Variants in DCC observed in about 807,000 individuals in gnomAD.
DCC encodes netrin receptor DCC.
Under a neutral mutation model 172.5 loss-of-function variants are expected in DCC, and 58 were observed. The ratio of observed to expected loss-of-function variants is 0.34; its 90% CI spans 0.27 to 0.42. DCC has a LOEUF of 0.42. DCC is among the 10% of genes least tolerant of loss of function. The pLI is 1.00. For missense variants in DCC, 1,740 were observed against 1,791.0 expected (o/e 0.97, Z 0.51); for synonymous variants, 709 against 644.5 (o/e 1.10, Z -1.52).
intron 27 of DCC, among the ~76,000 whole-genome samples, chr18:53,515,623 A>G (rs1231672200): frequency 2.1e-5 from 3 of 144,824 alleles, no homozygotes; most frequent in African/African-American, 5.1e-5. Flanking sequence ...AAATCAATGT[A>G]CAAAAATCAC....
intron 2 of DCC, among the ~76,000 whole-genome samples, chr18:52,886,731 T>C (rs116488163): frequency 0.015 from 2,300 of 152,282 alleles, 43 homozygotes; most frequent in African/African-American, 0.039. Context: ...TTTAGCGATA[T>C]GAAGTTAAAA....
chr18:53,174,309 A>C (rs887978764), intron 8 of DCC, among the ~76,000 whole-genome samples: 4 of 148,804 alleles, frequency 2.7e-5, no homozygotes, highest in Non-Finnish European at 4.5e-5. Context: ...AGCTAGCAGA[A>C]GGCAAGAAAT....
At chr18:53,022,885 G>A (rs1458159810) in intron 5 of DCC, among the ~76,000 whole-genome samples, 1 of 151,990 alleles carries the variant, frequency 6.6e-6, no homozygotes, top group East Asian at 1.9e-4. Context: ...GATTTTTCCA[G>A]TACATGAGAG....
At chr18:53,423,734 T>C (rs1910758186) in intron 21 of DCC, among the ~76,000 whole-genome samples, 1 of 152,216 alleles carries the variant, frequency 6.6e-6, no homozygotes, top group South Asian at 2.1e-4. Flanking sequence ...TATTCTTAGC[T>C]TCTTGACCAG....
chr18:53,504,717 TA>T (rs2046148610), intron 27 of DCC, among the ~76,000 whole-genome samples: 2 of 152,072 alleles, frequency 1.3e-5, no homozygotes, highest in African/African-American at 2.4e-5. Flanking sequence ...TTTTAGAAAA[TA>T]AATATTAATA....
chr18:53,032,018 T>C (rs1412354748), intron 5 of DCC, among the ~76,000 whole-genome samples: 1 of 152,140 alleles, frequency 6.6e-6, no homozygotes, highest in East Asian at 1.9e-4. Context: ...GACTAGCAGA[T>C]GGTGTGATTT....
At chr18:53,323,699 T>C (rs1427134170) in intron 14 of DCC, among the ~76,000 whole-genome samples, 2 of 151,892 alleles carry the variant, frequency 1.3e-5, no homozygotes, top group South Asian at 4.2e-4. Flanking sequence ...GGTTGGAAGG[T>C]TGGATAGATG....
chr18:52,561,885 A>G (rs1194533254), intron 1 of DCC, among the ~76,000 whole-genome samples: 2 of 152,202 alleles, frequency 1.3e-5, no homozygotes, highest in Admixed American at 6.6e-5. Flanking sequence ...AGCTATTTCT[A>G]AATCAGAGGA....
chr18:53,077,146 T>A (rs534517816), intron 7 of DCC, among the ~76,000 whole-genome samples: 73 of 152,280 alleles, frequency 4.8e-4, no homozygotes, highest in African/African-American at 1.7e-3. Flanking sequence ...CCCAAACCTT[T>A]TTGTTCCTGA....
chr18:52,842,652 C>G (rs1297007405), intron 2 of DCC, among the ~76,000 whole-genome samples: 1 of 152,172 alleles, frequency 6.6e-6, no homozygotes, highest in African/African-American at 2.4e-5. Flanking sequence ...TTAACCATCA[C>G]TCTTACTTAA....
chr18:52,619,340 T>C (rs539276588), intron 1 of DCC, among the ~76,000 whole-genome samples: 1 of 152,350 alleles, frequency 6.6e-6, no homozygotes, highest in African/African-American at 2.4e-5. Context: ...CCCAGACTGT[T>C]TTTCCCCACC....
intron 28 of DCC, among the ~76,000 whole-genome samples, chr18:53,527,260 G>T (rs7244915): frequency 0.88 from 132,910 of 150,794 alleles, 58,851 homozygotes; most frequent in African/African-American, 0.96. Context: ...CAGGCTAGAG[G>T]GTAGTGGCTA....
chr18:53,226,932 G>GTATATATA (rs1452126370), intron 12 of DCC, among the ~76,000 whole-genome samples: 4 of 59,240 alleles, frequency 6.8e-5, no homozygotes, highest in Admixed American at 2.1e-4. Flanking sequence ...GTGTGTGTGT[G>GTATATATA]TGTATATATA....
At chr18:52,410,498 A>AG (rs1306973164) in intron 1 of DCC, among the ~76,000 whole-genome samples, 1 of 152,150 alleles carries the variant, frequency 6.6e-6, no homozygotes, top group Admixed American at 6.5e-5. Flanking sequence ...CCCCCATATA[A>AG]GGAAAGCCTT....
At chr18:52,894,038 C>T (rs981430674) in intron 2 of DCC, among the ~76,000 whole-genome samples, 2 of 152,114 alleles carry the variant, frequency 1.3e-5, no homozygotes, top group Non-Finnish European at 2.9e-5. Context: ...ACTGTTTTTT[C>T]TTTACACATG....
intron 1 of DCC, among the ~76,000 whole-genome samples, chr18:52,554,747 C>A (rs891518807): frequency 6.6e-6 from 1 of 151,998 alleles, no homozygotes; most frequent in Non-Finnish European, 1.5e-5. Flanking sequence ...CATTTACAGA[C>A]CAATTAAAGT....
intron 1 of DCC, among the ~76,000 whole-genome samples, chr18:52,577,264 G>C (rs1398054877): frequency 6.6e-6 from 1 of 152,190 alleles, no homozygotes; most frequent in Non-Finnish European, 1.5e-5. Flanking sequence ...TCTGATGGAA[G>C]GGTAATGATA....
intron 15 of DCC, among the ~76,000 whole-genome samples, chr18:53,349,382 A>G (rs1411012287): frequency 6.6e-6 from 1 of 152,172 alleles, no homozygotes; most frequent in East Asian, 1.9e-4. Context: ...AGTCTCTAGG[A>G]AGTTCCAAAC....
chr18:53,470,156 T>C (rs1214275995), intron 25 of DCC, among the ~76,000 whole-genome samples: 2 of 152,138 alleles, frequency 1.3e-5, no homozygotes, highest in African/African-American at 4.8e-5. Flanking sequence ...GATAATGTCA[T>C]CTAGTATCAA....
Sources: gnomAD v4.1 joint callset for allele counts (sites outside exome capture counted in the v4.1 genomes callset) on GRCh38, gnomAD v4.1.1 for gene constraint, MANE v1.5 for transcripts, NCBI Gene and HGNC (gene_info 2026-07-23, HGNC 2026-07-21) for gene names.